Variants in ADGB observed in about 807,000 individuals in gnomAD.
ADGB encodes androglobin.
Under a neutral mutation model 210.5 loss-of-function variants are expected in ADGB, and 172 were observed. The ratio of observed to expected loss-of-function variants is 0.82; its 90% CI spans 0.72 to 0.93. The LOEUF is 0.93. Among genes scored for constraint, ADGB ranks in the 40% least tolerant of loss-of-function variants. The pLI is 0.00. For missense variants in ADGB, 2,025 were observed against 1,964.8 expected (o/e 1.03, Z -0.58); for synonymous variants, 658 against 662.7 (o/e 0.99, Z 0.11).
At chr6:146,661,563 T>G (rs1046393111) in intron 5 of ADGB, among the ~76,000 whole-genome samples, 2 of 152,070 alleles carry the variant, frequency 1.3e-5, no homozygotes, top group Non-Finnish European at 2.9e-5. Context: ...TATTGAAAAC[T>G]TCATCATAAA....
At chr6:146,774,482 T>C (rs1777694698) in intron 29 of ADGB, among the ~76,000 whole-genome samples, 1 of 152,210 alleles carries the variant, frequency 6.6e-6, no homozygotes, top group African/African-American at 2.4e-5. Flanking sequence ...GATTACATAG[T>C]ATGTTTGTTG....
At chr6:146,737,755 T>G (rs1005321475) in intron 23 of ADGB, among the ~76,000 whole-genome samples, 2 of 152,134 alleles carry the variant, frequency 1.3e-5, no homozygotes, top group African/African-American at 4.8e-5. Flanking sequence ...TGCTAAAAAG[T>G]GAGTGTCCCT....
chr6:146,807,137 C>G (rs985255480), intron 35 of ADGB, among the ~76,000 whole-genome samples: 1 of 152,060 alleles, frequency 6.6e-6, no homozygotes, highest in Non-Finnish European at 1.5e-5. Context: ...AAACAGAATA[C>G]CTTTGGTAAA....
intron 9 of ADGB, among the ~76,000 whole-genome samples, chr6:146,680,723 G>A (rs1427236314): frequency 6.6e-6 from 1 of 152,152 alleles, no homozygotes; most frequent in Non-Finnish European, 1.5e-5. Context: ...AATATCTACT[G>A]TTAGCAAGAT....
At chr6:146,772,855 A>G (rs954267523) in intron 29 of ADGB, among the ~76,000 whole-genome samples, 13 of 152,090 alleles carry the variant, frequency 8.5e-5, no homozygotes, top group African/African-American at 3.1e-4. Context: ...GTATTATACA[A>G]GAAAGTCTTG....
intron 29 of ADGB, 97 bp downstream of exon 29, chr6:146,769,228 T>A: frequency 3.3e-6 from 2 of 601,860 alleles, no homozygotes; most frequent in African/African-American, 1.8e-5. Context: ...AAAATATCAT[T>A]GTATGATGTT....
In ADGB at chr6:146,741,135, A is replaced by T; in HGVS notation, c.3041A>T (p.His1014Leu). 2 of 1,530,494 alleles carry T rather than the reference A, an allele frequency of 1.3e-6. No individual in the cohort carries two copies. The highest frequency in any genetic ancestry group is 8.8e-7 in the Non-Finnish European group (1 of 1,138,316). 94.8% of individuals were successfully genotyped at this position (1,530,494 alleles called of 1,614,324 possible). A position where few individuals can be genotyped will look rare whatever the true frequency, so the allele number is the denominator to read the frequency against. ...FIVFRETFLVHQDMILVPKVY... is the reference protein window; with the variant it reads ...FIVFRETFLVLQDMILVPKVY... ...AATTACAGAGAAACATTTTTGGTTC[A>T]TCAAGACATGATTTTGGTTCCCAAA... is the stretch of plus-strand genomic sequence containing the variant. Residue 1014 changes from histidine to leucine, a missense_variant, in exon 25 of 36, where the codon CAT (histidine) becomes CTT (leucine). His to Leu is a moderately conservative substitution (Grantham distance 99). Coordinates refer to ENST00000397944, the MANE Select transcript of ADGB (RefSeq NM_024694.4).
intron 29 of ADGB, among the ~76,000 whole-genome samples, chr6:146,778,567 C>T (rs1777754900): frequency 6.6e-6 from 1 of 151,992 alleles, no homozygotes; most frequent in South Asian, 2.1e-4. Flanking sequence ...CTTATCCTTC[C>T]TCTCATTTAA....
At chr6:146,803,451 T>C in intron 35 of ADGB, 1 of 1,607,810 alleles carries the variant, frequency 6.2e-7, no homozygotes, top group South Asian at 1.1e-5. Context: ...GGGGCTGTTT[T>C]TTTCTGTAAC....
chr6:146,670,039 C>G (rs1775986783), intron 7 of ADGB, among the ~76,000 whole-genome samples: 1 of 152,126 alleles, frequency 6.6e-6, no homozygotes, highest in African/African-American at 2.4e-5. Context: ...TCACTGGCAT[C>G]TGTCAACAGT....
intron 19 of ADGB, 23 bp downstream of exon 19, chr6:146,726,220 G>GTTAT (rs747787818): frequency 3.5e-5 from 51 of 1,445,574 alleles, no homozygotes; most frequent in East Asian, 1.8e-4. Flanking sequence ...GCAACAGCAA[G>GTTAT]TTATTTATTT....
At chr6:146,735,203 A>C (rs1777061033) in intron 22 of ADGB, among the ~76,000 whole-genome samples, 1 of 152,214 alleles carries the variant, frequency 6.6e-6, no homozygotes, top group African/African-American at 2.4e-5. Flanking sequence ...TGCATTCGTC[A>C]AACTCAATAT....
intron 1 of ADGB, among the ~76,000 whole-genome samples, chr6:146,635,095 T>A (rs1274157461): frequency 6.6e-6 from 1 of 152,160 alleles, no homozygotes; most frequent in East Asian, 1.9e-4. Flanking sequence ...GTTGCTTGTG[T>A]TCATGATATT....
At position 146,690,432 on chromosome 6, in the gene ADGB, T is replaced by C. The variant is rs186865647; in HGVS notation, c.1312-684T>C. The stretch of plus-strand genomic sequence containing the variant: ...TGTGAACATCAGAATTTGGCTATAG[T>C]GTATATCACTTTAACATTCATATAC... On this transcript the variant is annotated intron_variant, in intron 10 of 35. Coordinates refer to ENST00000397944, the MANE Select transcript of ADGB (RefSeq NM_024694.4). Among the ~76,000 whole-genome samples the C allele has an allele frequency of 3.4e-3, 523 of 152,358 alleles. 4 individuals are homozygous for C. The highest frequency in any genetic ancestry group is 0.011 in the African/African-American group (444 of 41,600).
intron 5 of ADGB, among the ~76,000 whole-genome samples, chr6:146,659,355 C>T (rs1259869641): frequency 1.3e-5 from 2 of 152,184 alleles, no homozygotes; most frequent in African/African-American, 2.4e-5. Flanking sequence ...TTTCCCGTTT[C>T]CCATCTTATG....
At chr6:146,736,186 C>CA (rs998625367) in intron 22 of ADGB, among the ~76,000 whole-genome samples, 1 of 152,170 alleles carries the variant, frequency 6.6e-6, no homozygotes, top group South Asian at 2.1e-4. Context: ...AGATCTGTCA[C>CA]AAAAAAAGTT....
intron 29 of ADGB, among the ~76,000 whole-genome samples, chr6:146,776,008 T>A (rs1317053445): frequency 6.6e-6 from 1 of 152,090 alleles, no homozygotes; most frequent in Admixed American, 6.5e-5. Context: ...AAACTGAATT[T>A]TTACAATTTT....
intron 18 of ADGB, chr6:146,725,847 T>G: frequency 2.8e-6 from 1 of 360,800 alleles, no homozygotes. Flanking sequence ...GCAGAGAAGT[T>G]TGGTATTTAG....
rs1401895507 is a variant in ADGB, at chr6:146,782,071, A to C, written c.3914A>C (p.His1305Pro). ...ELINLGSPDS[H>P]TISEGQKSSV... The stretch of plus-strand genomic sequence containing the variant: ...ATTAACTTAGGAAGCCCAGACTCCC[A>C]CACTATTAGTGAGGGACAAAAATCT... The change falls in exon 30 of 36, where the codon CAC becomes CCC. Residue 1305 changes from histidine (H) to proline (P), a missense_variant. By Grantham distance (77) the His-to-Pro change is moderately conservative. Coordinates refer to ENST00000397944, the MANE Select transcript of ADGB (RefSeq NM_024694.4). 3 of 1,538,574 alleles carry C rather than the reference A, an allele frequency of 1.9e-6. No homozygotes were observed. The South Asian group carries it at 3.7e-5, about 19-fold the overall frequency.
Sources: gnomAD v4.1 joint callset for allele counts (sites outside exome capture counted in the v4.1 genomes callset) on GRCh38, gnomAD v4.1.1 for gene constraint, MANE v1.5 for transcripts, NCBI Gene and HGNC (gene_info 2026-07-23, HGNC 2026-07-21) for gene names.